SATB1: variants seen among roughly 807,000 people sequenced by gnomAD.
SATB1 encodes SATB homeobox 1, also known as DNA-binding protein SATB1.
A neutral mutation model predicts 86.9 loss-of-function variants in SATB1; 11 were observed. That is an observed-to-expected ratio of 0.13 (90% confidence interval 0.08 to 0.21). SATB1 has a LOEUF of 0.21. Among genes scored for constraint, SATB1 ranks in the 10% least tolerant of loss-of-function variants. The pLI is 1.00. For missense variants in SATB1, 551 were observed against 937.6 expected (o/e 0.59, Z 5.39); for synonymous variants, 357 against 357.2 (o/e 1.00, Z 0.01).
rs1427611135 is a variant in SATB1 at position 18,346,493 on chromosome 3, C to CAG, written c.*2676_*2677insCT. 6.6e-6 allele frequency: 1 copy of CAG among 151,922 alleles called. No individual in the cohort carries two copies. The highest frequency in any genetic ancestry group is 1.5e-5 in the Non-Finnish European group (1 of 67,958). The allele number at this position is 151,922 out of a possible 1,614,324, so 9.4% of individuals were successfully genotyped here. A position where few individuals can be genotyped will look rare whatever the true frequency, so the allele number is the denominator to read the frequency against. Reference sequence around the variant, plus strand: ...ACATTGGGGGAGCAATATGGAAGATCATCTGGGCAAGTCTTTTCTAAAATG... The same window carrying CAG: ...ACATTGGGGGAGCAATATGGAAGATCAGATCTGGGCAAGTCTTTTCTAAAATG... On this transcript the variant is annotated 3_prime_UTR_variant, in exon 11 of 11. Transcript: ENST00000338745.
Position 18,394,417 on chromosome 3 carries a change from A to G in SATB1, c.1206+45T>C. 6.6e-7 allele frequency: 1 copy of G among 1,519,420 alleles called. No homozygotes were observed. The highest frequency in any genetic ancestry group is 9.1e-7 in the Non-Finnish European group (1 of 1,097,158). 94.1% of individuals were successfully genotyped at this position (1,519,420 alleles called of 1,614,324 possible). A position where few individuals can be genotyped will look rare whatever the true frequency, so the allele number is the denominator to read the frequency against. ...TAGTTATAGATGGGACTAAAGAAAG[A>G]GAAAATAGGAGACAGCACAGAACCA... On this transcript the variant is annotated intron_variant, in intron 7 of 10. Coordinates refer to ENST00000338745, the MANE Select transcript of SATB1 (RefSeq NM_002971.6). The surrounding 1 kb of genome is among the most constrained non-coding windows in gnomAD (Gnocchi z 5.9).
chr3:18,416,893 A>G lies in SATB1; in HGVS notation c.388+9T>C. 1.3e-6 allele frequency: 2 copies of G among 1,594,032 alleles called. No homozygotes were observed. The highest frequency in any genetic ancestry group is 2.3e-5 in the South Asian group (2 of 87,856). ...GCAATTTTTCCAACCCCACGTACAC[A>G]TTATTTACCTTTGGCCTGGGCAGCA... On this transcript the variant is annotated intron_variant, in intron 3 of 10. Transcript: ENST00000338745.
intron 5 of SATB1, among the ~76,000 whole-genome samples, chr3:18,405,272 T>G (rs949805003): frequency 6.6e-6 from 1 of 152,002 alleles, no homozygotes; most frequent in Non-Finnish European, 1.5e-5. Flanking sequence ...TATACCAATG[T>G]ACCCATTTGA....
At position 18,386,387 on chromosome 3, in the gene SATB1, AG is replaced by A. The variant is rs767872053; in HGVS notation, c.1419+11del. On this transcript the variant is annotated intron_variant, in intron 8 of 10. Transcript: ENST00000338745. This position sits in a 1 kb window ranked among gnomAD's most constrained non-coding sequence, Gnocchi z 4.5. ...TAAACAAAGAAGGGCAAGGAGGAAAAGGAGACCGCACCTGGGGAGGACGGCT... is the reference window on the plus strand; with the variant it reads ...TAAACAAAGAAGGGCAAGGAGGAAAAGAGACCGCACCTGGGGAGGACGGCT... The A allele has an allele frequency of 9.3e-6, 15 of 1,604,992 alleles. No homozygotes were observed. In the African/African-American group the frequency reaches 1.6e-4, roughly 17 times the overall value.
chr3:18,353,986 T>TAAAACATAA (rs1193583303), intron 9 of SATB1, among the ~76,000 whole-genome samples: 1 of 152,222 alleles, frequency 6.6e-6, no homozygotes, highest in East Asian at 1.9e-4. Flanking sequence ...GTTAGCTAAA[T>TAAAACATAA]AAAACATAAA....
intron 8 of SATB1, among the ~76,000 whole-genome samples, chr3:18,379,182 A>G (rs1695917148): frequency 1.3e-5 from 2 of 152,360 alleles, no homozygotes; most frequent in African/African-American, 2.4e-5. Context: ...CGGCAGTAAA[A>G]TGCCACAAAA....
chr3:18,366,768 AT>A (rs1481282779), intron 9 of SATB1, among the ~76,000 whole-genome samples: 1 of 152,176 alleles, frequency 6.6e-6, no homozygotes, highest in Non-Finnish European at 1.5e-5. Flanking sequence ...ACCATGTAAT[AT>A]GGAGTTCATA....
intron 9 of SATB1, among the ~76,000 whole-genome samples, chr3:18,354,888 G>T (rs910335002): frequency 1.8e-4 from 28 of 152,062 alleles, no homozygotes; most frequent in Admixed American, 7.9e-4. Context: ...TGTCACTTCT[G>T]TGTCTCTAGA....
intron 5 of SATB1, among the ~76,000 whole-genome samples, chr3:18,408,059 A>C (rs993938988): frequency 6.6e-6 from 1 of 152,078 alleles, no homozygotes; most frequent in Non-Finnish European, 1.5e-5. Flanking sequence ...TAAAGCTTTA[A>C]TCTTTTCTTA....
At chr3:18,435,959 G>T (rs979709527) in intron 2 of SATB1, among the ~76,000 whole-genome samples, 1 of 152,076 alleles carries the variant, frequency 6.6e-6, no homozygotes. Context: ...AACTAAATAG[G>T]ACTGTCTTAC....
At chr3:18,351,080 C>T (rs1694333843) in intron 10 of SATB1, 3 of 521,914 alleles carry the variant, frequency 5.7e-6, no homozygotes, top group African/African-American at 1.9e-5. Flanking sequence ...ACTACCTGAT[C>T]CCAGAACTTT....
At chr3:18,353,343 G>GC (rs1373089238) in intron 9 of SATB1, among the ~76,000 whole-genome samples, 1 of 151,986 alleles carries the variant, frequency 6.6e-6, no homozygotes, top group African/African-American at 2.4e-5. Context: ...TCAATCTGGG[G>GC]CTAGATTTTG....
chr3:18,393,646 G>T (rs1696806675), intron 7 of SATB1, among the ~76,000 whole-genome samples: 1 of 152,156 alleles, frequency 6.6e-6, no homozygotes, highest in Non-Finnish European at 1.5e-5. Context: ...AAATGAGTCT[G>T]CAAACTAAGG....
At chr3:18,421,531 CT>C (rs1449055122) in intron 1 of SATB1, 1 of 152,108 alleles carries the variant, frequency 6.6e-6, no homozygotes, top group Non-Finnish European at 1.5e-5. Context: ...CATCTAACTG[CT>C]TTTTAAACTC....
At chr3:18,366,024 T>G (rs1470999984) in intron 9 of SATB1, among the ~76,000 whole-genome samples, 1 of 152,216 alleles carries the variant, frequency 6.6e-6, no homozygotes, top group Non-Finnish European at 1.5e-5. Context: ...TTCCTTGACC[T>G]TGTTGAAAGT....
At position 18,351,988 on chromosome 3, in the gene SATB1, G is replaced by A. The variant is rs375944924; in HGVS notation, c.1779+4C>T. 9.3e-6 allele frequency: 15 copies of A among 1,613,946 alleles called. No homozygotes were observed. The highest frequency in any genetic ancestry group is 1.7e-5 in the Admixed American group (1 of 60,010). On this transcript the variant is annotated splice_donor_region_variant and intron_variant, in intron 10 of 10. Coordinates refer to ENST00000338745, the MANE Select transcript of SATB1 (RefSeq NM_002971.6). Reference sequence around the variant, plus strand: ...CTATACTGAATTGGCCAAAGTAAACGAACCTGAATCTGCTCTGCTGGAACA... The same window carrying A: ...CTATACTGAATTGGCCAAAGTAAACAAACCTGAATCTGCTCTGCTGGAACA...
At chr3:18,357,163 T>C (rs1350668376) in intron 9 of SATB1, among the ~76,000 whole-genome samples, 1 of 151,826 alleles carries the variant, frequency 6.6e-6, no homozygotes, top group East Asian at 1.9e-4. Context: ...TCATCTTTTA[T>C]GTGTTATTTG....
At chr3:18,401,979 T>C (rs1697290617) in intron 5 of SATB1, among the ~76,000 whole-genome samples, 1 of 152,120 alleles carries the variant, frequency 6.6e-6, no homozygotes, top group African/African-American at 2.4e-5. Flanking sequence ...AAGGTAAGGG[T>C]GGAATTTTTC....
intron 5 of SATB1, among the ~76,000 whole-genome samples, chr3:18,411,264 G>A (rs1697821067): frequency 6.6e-6 from 1 of 152,140 alleles, no homozygotes; most frequent in Non-Finnish European, 1.5e-5. Flanking sequence ...GTTGTGATGT[G>A]TGTGTGTGCA....
Sources: allele counts gnomAD v4.1 joint callset (sites outside exome capture counted in the v4.1 genomes callset), GRCh38; gene constraint gnomAD v4.1.1; non-coding constraint Gnocchi (gnomAD v3.1); transcripts MANE v1.5; gene names NCBI Gene and HGNC (gene_info 2026-07-23, HGNC 2026-07-21).